Variants in CSMD3 observed in about 807,000 individuals in gnomAD.
CSMD3 encodes CUB and sushi domain-containing protein 3.
Under a neutral mutation model 435.2 loss-of-function variants are expected in CSMD3, and 177 were observed. The ratio of observed to expected loss-of-function variants is 0.41; its 90% confidence interval spans 0.36 to 0.46. CSMD3 has a LOEUF of 0.46. CSMD3 is among the 20% of genes least tolerant of loss of function. The pLI is 0.34. For synonymous variants in CSMD3, 1,656 were observed against 1,520.5 expected, an observed-to-expected ratio of 1.09 and a Z score of -2.07; for missense variants, 4,265 against 4,504.6, an observed-to-expected ratio of 0.95 and a Z score of 1.52.
chr8:112,224,050 T>C lies in CSMD3; in HGVS notation c.*721A>G, dbSNP rs1480311204. 2 of 152,020 alleles carry C rather than the reference T, an allele frequency of 1.3e-5. No homozygotes were observed. The highest frequency in any genetic ancestry group is 2.4e-5 in the African/African-American group (1 of 41,372). The allele number at this position is 152,020 out of a possible 1,614,324, so 9.4% of individuals were successfully genotyped here. On this transcript the variant is annotated 3_prime_UTR_variant, in exon 71 of 71. Transcript: ENST00000297405. Reference sequence around the variant, plus strand: ...AAGGAGTGAAACACTACCCCATAGCTCACTGAATAATACTGGTTACTCCAT... The same window carrying C: ...AAGGAGTGAAACACTACCCCATAGCCCACTGAATAATACTGGTTACTCCAT...
Position 112,573,637 on chromosome 8 carries a change from T to A in CSMD3, c.3906A>T (p.Lys1302Asn), listed in dbSNP as rs2131302286. ...TAAAAGCACCTAGTAGATGAGTCGTTTTATCTTTTCCATCATAAATCTGCA... is the reference window on the plus strand; with the variant it reads ...TAAAAGCACCTAGTAGATGAGTCGTATTATCTTTTCCATCATAAATCTGCA... The part of the protein sequence containing the change: ...DVLKIYDGKD[K>N]TTHLLGAFTG... Residue 1302 changes from lysine to asparagine, a missense_variant, in exon 24 of 71, where the codon AAA becomes AAT. Physicochemically the swap from Lys to Asn is moderately conservative, Grantham distance 94. This residue lies in a region of CSMD3 where 3,255 missense variants were observed against 3,380.2 expected (regional missense o/e 0.96). Coordinates refer to ENST00000297405, the MANE Select transcript of CSMD3 (RefSeq NM_198123.2). The A allele has an allele frequency of 6.4e-7, 1 of 1,562,646 alleles. No homozygotes were observed. The highest frequency in any genetic ancestry group is 2.4e-5 in the East Asian group (1 of 42,378).
chr8:112,372,249 T>C (rs1252550056), intron 38 of CSMD3, among the ~76,000 whole-genome samples: 1 of 152,098 alleles, frequency 6.6e-6, no homozygotes, highest in Non-Finnish European at 1.5e-5. Flanking sequence ...AAACAAATGC[T>C]TAATTTGATT....
At chr8:112,544,866 A>T (rs1314273878) in intron 27 of CSMD3, among the ~76,000 whole-genome samples, 2 of 152,188 alleles carry the variant, frequency 1.3e-5, no homozygotes, top group Admixed American at 6.5e-5. Context: ...TAAACATTTA[A>T]TTTTTAAAAT....
At chr8:112,698,639 T>A (rs2076312620) in intron 13 of CSMD3, among the ~76,000 whole-genome samples, 1 of 152,134 alleles carries the variant, frequency 6.6e-6, no homozygotes, top group African/African-American at 2.4e-5. Flanking sequence ...TTGAAGAAGC[T>A]CCATTGGCTA....
intron 1 of CSMD3, among the ~76,000 whole-genome samples, chr8:113,421,108 C>T (rs1262608003): frequency 6.6e-6 from 1 of 151,588 alleles, no homozygotes; most frequent in East Asian, 1.9e-4. Flanking sequence ...ATAATTTAAA[C>T]AAATATGCTT....
intron 13 of CSMD3, among the ~76,000 whole-genome samples, chr8:112,716,404 C>T (rs144409930): frequency 8.5e-5 from 13 of 152,270 alleles, no homozygotes; most frequent in Non-Finnish European, 1.6e-4. Context: ...CTACAAACCA[C>T]TGCTCAAGGA....
intron 32 of CSMD3, among the ~76,000 whole-genome samples, chr8:112,472,326 G>A (rs906857086): frequency 1.3e-5 from 2 of 151,986 alleles, no homozygotes; most frequent in Non-Finnish European, 2.9e-5. Flanking sequence ...CACTTGCAAG[G>A]TTACTGATAT....
intron 61 of CSMD3, among the ~76,000 whole-genome samples, chr8:112,260,880 A>C (rs1021757813): frequency 6.6e-6 from 1 of 152,172 alleles, no homozygotes; most frequent in Non-Finnish European, 1.5e-5. Context: ...GGTGATAGTT[A>C]CACTAAAAGC....
intron 16 of CSMD3, among the ~76,000 whole-genome samples, chr8:112,678,071 A>G (rs2075806845): frequency 6.6e-6 from 1 of 152,176 alleles, no homozygotes; most frequent in Non-Finnish European, 1.5e-5. Context: ...AAAAAGTGGG[A>G]AAATACACCT....
chr8:112,689,842 C>G (rs2076093468), intron 14 of CSMD3, 26 bp downstream of exon 14: 1 of 1,598,538 alleles, frequency 6.3e-7, no homozygotes. Context: ...CATATGCTAT[C>G]TGGAAGCAAA....
At chr8:112,549,825 C>T (rs1480716521) in intron 27 of CSMD3, among the ~76,000 whole-genome samples, 1 of 151,862 alleles carries the variant, frequency 6.6e-6, no homozygotes, top group Non-Finnish European at 1.5e-5. Flanking sequence ...CCAAAATTAG[C>T]AGTTAGTAAA....
intron 13 of CSMD3, among the ~76,000 whole-genome samples, chr8:112,762,003 T>G (rs2077850650): frequency 6.6e-6 from 1 of 152,016 alleles, no homozygotes; most frequent in Non-Finnish European, 1.5e-5. Flanking sequence ...CTATCATGCT[T>G]GAAAAGTTGT....
chr8:112,320,861 T>C (rs536076944), intron 45 of CSMD3, among the ~76,000 whole-genome samples: 103 of 152,282 alleles, frequency 6.8e-4, no homozygotes, highest in African/African-American at 2.2e-3. Context: ...TGTCTTGCCA[T>C]GCTACTTTAA....
At chr8:113,214,257 C>A (rs2132093779) in intron 3 of CSMD3, among the ~76,000 whole-genome samples, 1 of 151,740 alleles carries the variant, frequency 6.6e-6, no homozygotes, top group South Asian at 2.1e-4. Flanking sequence ...TTTATTTGTG[C>A]AGATTTATGA....
chr8:113,422,717 T>C (rs1323355654), intron 1 of CSMD3, among the ~76,000 whole-genome samples: 2 of 152,042 alleles, frequency 1.3e-5, no homozygotes, highest in African/African-American at 4.8e-5. Context: ...ACTGGAAAAG[T>C]GACAGTGTGA....
rs1413426770 is a variant in CSMD3, at chr8:112,645,232, T to C, written c.3194-7A>G. 1 of 1,416,968 alleles carries C rather than the reference T, an allele frequency of 7.1e-7. No homozygotes were observed. Among genetic ancestry groups the C allele is most frequent in the Non-Finnish European group, 1.0e-6 (1 of 1,000,406 alleles). 87.8% of individuals were successfully genotyped at this position (1,416,968 alleles called of 1,614,324 possible). On this transcript the variant is annotated splice_region_variant and splice_polypyrimidine_tract_variant and intron_variant, in intron 19 of 70. Coordinates refer to ENST00000297405, the MANE Select transcript of CSMD3 (RefSeq NM_198123.2). ...ACATCTCCTCCACATAATGCTGAAATACAAAGAAACAGATCCATGTGATCA... is the reference window on the plus strand; with the variant it reads ...ACATCTCCTCCACATAATGCTGAAACACAAAGAAACAGATCCATGTGATCA...
chr8:113,247,477 A>C (rs1008709108), intron 3 of CSMD3, among the ~76,000 whole-genome samples: 2 of 152,098 alleles, frequency 1.3e-5, no homozygotes, highest in African/African-American at 4.8e-5. Flanking sequence ...AATTCATCAC[A>C]ATGTTTAGTG....
At chr8:113,060,259 C>T (rs563731167) in intron 5 of CSMD3, among the ~76,000 whole-genome samples, 47 of 141,794 alleles carry the variant, frequency 3.3e-4, no homozygotes, top group African/African-American at 1.2e-3. Context: ...GTTTTTTGTT[C>T]TTGCGATAGT....
intron 13 of CSMD3, among the ~76,000 whole-genome samples, chr8:112,705,174 A>G (rs2076471995): frequency 6.6e-6 from 1 of 152,112 alleles, no homozygotes; most frequent in Admixed American, 6.6e-5. Flanking sequence ...AGAACAGCAG[A>G]TACGAACTTT....
Sources: gnomAD v4.1 joint callset for allele counts (sites outside exome capture counted in the v4.1 genomes callset) on GRCh38, gnomAD v4.1.1 for gene constraint, gnomAD v4.1.1 regional missense constraint, MANE v1.5 for transcripts, NCBI Gene and HGNC (gene_info 2026-07-23, HGNC 2026-07-21) for gene names.